IL34: variants seen among roughly 807,000 people sequenced by gnomAD.
IL34 encodes the protein interleukin 34, also known as interleukin-34.
In IL34, 17 loss-of-function variants were observed where a neutral mutation model predicts 25.3. The ratio of observed to expected loss-of-function variants is 0.67; its 90% confidence interval spans 0.46 to 1.01. IL34 has a LOEUF of 1.01. Ranked by LOEUF, IL34 falls within the 50% of genes least tolerant of loss-of-function variation. The probability of loss-of-function intolerance (pLI) is 0.00; values close to 1 mark genes in which losing one functional copy is unlikely to be tolerated. For synonymous variants in IL34, 174 were observed against 140.9 expected (o/e 1.23, Z -1.66); for missense variants, 368 against 312.9 (o/e 1.18, Z -1.33).
intron 2 of IL34, among the ~76,000 whole-genome samples, chr16:70,655,538 C>T (rs973941104): frequency 3.9e-5 from 6 of 151,980 alleles, no homozygotes; most frequent in African/African-American, 1.5e-4. Flanking sequence ...CAGGCATGCA[C>T]CACCATGCCC....
intron 1 of IL34, among the ~76,000 whole-genome samples, chr16:70,613,950 G>A (rs1016474359): frequency 2.6e-5 from 4 of 151,552 alleles, no homozygotes; most frequent in Admixed American, 6.6e-5. Context: ...TGCTCTGGGA[G>A]GCTGAGGCAG....
chr16:70,641,582 T>C (rs2051786304), upstream of IL34, among the ~76,000 whole-genome samples: 1 of 150,924 alleles, frequency 6.6e-6, no homozygotes, highest in Admixed American at 6.6e-5. Flanking sequence ...TTTTTACTTT[T>C]TGAGATGGAA....
At chr16:70,581,204 G>A (rs987161279) in intron 1 of IL34, among the ~76,000 whole-genome samples, 2 of 152,056 alleles carry the variant, frequency 1.3e-5, no homozygotes, top group African/African-American at 2.4e-5. Flanking sequence ...GAGCCACCAC[G>A]CCCGGCCAAC....
At chr16:70,635,984 G>T (rs368562941) in intron 1 of IL34, among the ~76,000 whole-genome samples, 2 of 151,620 alleles carry the variant, frequency 1.3e-5, no homozygotes, top group Admixed American at 1.3e-4. Context: ...AAGGCAAGGT[G>T]GAGTCAGAGT....
Position 70,646,621 on chromosome 16 carries a change from G to T in IL34, c.-327G>T. On this transcript the variant is annotated 5_prime_UTR_variant, in exon 1 of 6. Transcript: ENST00000288098. Reference sequence around the variant, plus strand: ...GTCACCCAGCCCCAGATTCCGAGGGGCCTGCCAGGGACTCTCTCCTCCTGC... The same window carrying T: ...GTCACCCAGCCCCAGATTCCGAGGGTCCTGCCAGGGACTCTCTCCTCCTGC... 1 of 368,976 alleles carries T rather than the reference G, an allele frequency of 2.7e-6. No individual in the cohort carries two copies. Among genetic ancestry groups the T allele is most frequent in the Middle Eastern group, 6.9e-4 (1 of 1,446 alleles). The allele number at this position is 368,976 out of a possible 1,614,324, so 22.9% of individuals were successfully genotyped here.
Position 70,658,567 on chromosome 16 carries a change from C to G in IL34, c.403-1051C>G, listed in dbSNP as rs149928826. On this transcript the variant is annotated intron_variant, in intron 4 of 5. Transcript: ENST00000288098. The stretch of plus-strand genomic sequence containing the variant: ...GGCAATCTTGGCTCACTGCAACCTC[C>G]GTCTCCCAGGTTCAAGCAATTCTCC... Among the ~76,000 whole-genome samples the G allele has an allele frequency of 2.6e-5, 4 of 152,002 alleles. No individual in the cohort carries two copies. In the East Asian group the frequency reaches 7.8e-4, roughly 29 times the overall value.
chr16:70,588,323 A>C (rs1442212724), intron 1 of IL34, among the ~76,000 whole-genome samples: 2 of 151,792 alleles, frequency 1.3e-5, no homozygotes, highest in Non-Finnish European at 2.9e-5. Flanking sequence ...GCAAAACCCC[A>C]TATCTACTAA....
At chr16:70,626,688 A>G (rs567891617) in intron 1 of IL34, among the ~76,000 whole-genome samples, 36 of 151,496 alleles carry the variant, frequency 2.4e-4, no homozygotes, top group Admixed American at 1.9e-3. Flanking sequence ...GAGCCACCAC[A>G]CCCGGCCAAA....
At chr16:70,641,399 T>G (rs1222150215) in intron 1 of IL34, among the ~76,000 whole-genome samples, 1 of 152,172 alleles carries the variant, frequency 6.6e-6, no homozygotes, top group East Asian at 1.9e-4. Context: ...CACTGTATAC[T>G]TAAAGAAGGT....
intron 1 of IL34, among the ~76,000 whole-genome samples, chr16:70,608,805 C>T (rs187954735): frequency 6.6e-6 from 1 of 152,288 alleles, no homozygotes; most frequent in East Asian, 1.9e-4. Context: ...CAGACTTGCA[C>T]CTCAGCCTCA....
intron 1 of IL34, among the ~76,000 whole-genome samples, chr16:70,591,105 T>C (rs1471840876): frequency 6.6e-6 from 1 of 152,240 alleles, no homozygotes; most frequent in Non-Finnish European, 1.5e-5. Flanking sequence ...AGTGCCTTCC[T>C]TCTCCTGCCA....
upstream of IL34, among the ~76,000 whole-genome samples, chr16:70,643,932 A>G (rs559905885): frequency 3.9e-5 from 6 of 152,304 alleles, no homozygotes; most frequent in East Asian, 1.2e-3. Context: ...CCTGGAAAAA[A>G]AAATTGGGGG....
chr16:70,646,795 AC>A lies in IL34; in HGVS notation c.-152del. 2 of 656,114 alleles carry A rather than the reference AC, an allele frequency of 3.0e-6. No individual in the cohort carries two copies. Among genetic ancestry groups the A allele is most frequent in the Non-Finnish European group, 4.9e-6 (2 of 411,976 alleles). The allele number at this position is 656,114 out of a possible 1,614,324, so 40.6% of individuals were successfully genotyped here. ...GCTGCTGCCCTTGGGGCACCTGCTC[AC>A]TCCCGCAGCCCAGCCACTCCTCCAG... On this transcript the variant is annotated 5_prime_UTR_variant, in exon 1 of 6. Transcript: ENST00000288098.
chr16:70,647,095 C>T (rs1050545794), intron 1 of IL34, 120 bp downstream of exon 1: 219 of 893,190 alleles, frequency 2.5e-4, no homozygotes, highest in Non-Finnish European at 2.9e-4. Flanking sequence ...GCTTCCCAGC[C>T]GGACTGCAGA....
At chr16:70,637,027 A>AT (rs1172604760) in intron 1 of IL34, among the ~76,000 whole-genome samples, 1 of 151,328 alleles carries the variant, frequency 6.6e-6, no homozygotes, top group Admixed American at 6.6e-5. Context: ...CTACAGGCTA[A>AT]TTTTTTGTAT....
At position 70,657,020 on chromosome 16, in the gene IL34, G is replaced by T; in HGVS notation, c.301G>T (p.Ala101Ser). The T allele has an allele frequency of 6.2e-7, 1 of 1,612,518 alleles. No homozygotes were observed. The highest frequency in any genetic ancestry group is 2.1e-4 in the Middle Eastern group (1 of 4,838). ...RYLWVLVSLS[A>S]TESVQDVLLE... ...TCTGTGGGTCTTGGTGAGCCTCAGT[G>T]CCACTGAGTCGGTGCAGGACGTGCT... The change falls in exon 4 of 6, where the codon GCC becomes TCC. Residue 101 changes from alanine to serine, a missense_variant. Ala to Ser is a moderately conservative substitution (Grantham distance 99). Coordinates refer to ENST00000288098, the MANE Select transcript of IL34 (RefSeq NM_001393494.1).
chr16:70,591,267 A>G (rs1394993380), intron 1 of IL34, among the ~76,000 whole-genome samples: 1 of 152,058 alleles, frequency 6.6e-6, no homozygotes, highest in Admixed American at 6.6e-5. Flanking sequence ...TCCAACTCCA[A>G]CCTGGCCCCT....
At chr16:70,644,994 A>G (rs1490745615), upstream of IL34, among the ~76,000 whole-genome samples, 2 of 143,878 alleles carry the variant, frequency 1.4e-5, no homozygotes, top group African/African-American at 5.3e-5. Flanking sequence ...AGGAGGAAGG[A>G]GGAAGAAGAG....
At chr16:70,650,302 CT>C (rs1390854629) in intron 1 of IL34, among the ~76,000 whole-genome samples, 1 of 152,196 alleles carries the variant, frequency 6.6e-6, no homozygotes, top group African/African-American at 2.4e-5. Flanking sequence ...AAAAAAGAAA[CT>C]TGCCCTTAGC....
Sources: allele counts gnomAD v4.1 joint callset (sites outside exome capture counted in the v4.1 genomes callset), GRCh38; gene constraint gnomAD v4.1.1; transcripts MANE v1.5; gene names NCBI Gene and HGNC (gene_info 2026-07-23, HGNC 2026-07-21).